RDH11: variants seen among roughly 807,000 people sequenced by gnomAD.
RDH11 encodes the protein HCV core-binding protein HCBP12.
In RDH11, 19 loss-of-function variants were observed where a neutral mutation model predicts 33.4. That is an observed-to-expected ratio of 0.57 (90% confidence interval 0.40 to 0.83). RDH11 has a LOEUF of 0.83. Ranked by LOEUF, RDH11 falls within the 40% of genes least tolerant of loss-of-function variation. The pLI, the probability that RDH11 is intolerant of heterozygous loss-of-function variation, is 0.00. For missense variants in RDH11, 353 were observed against 389.0 expected, an observed-to-expected ratio of 0.91 and a Z score of 0.78; for synonymous variants, 154 against 155.3, an observed-to-expected ratio of 0.99 and a Z score of 0.06.
chr14:67,687,055 G>A (rs188615004), intron 5 of RDH11, among the ~76,000 whole-genome samples: 9 of 152,222 alleles, frequency 5.9e-5, no homozygotes, highest in African/African-American at 2.2e-4. Flanking sequence ...TGCCCAATCA[G>A]GCAAAAGGGT....
intron 3 of RDH11, chr14:67,692,071 T>G (rs1301419531): frequency 5.7e-6 from 1 of 175,986 alleles, no homozygotes; most frequent in African/African-American, 2.4e-5. Flanking sequence ...TTTGTGAATC[T>G]CAACTTTGTG....
chr14:67,690,929 C>T (rs972623985), intron 4 of RDH11: 1 of 562,208 alleles, frequency 1.8e-6, no homozygotes, highest in Non-Finnish European at 3.2e-6. Flanking sequence ...CCAAGGCAAA[C>T]CAAATCTAAA....
At position 67,680,090 on chromosome 14, in the gene RDH11, G is replaced by A. The variant is rs182688859; in HGVS notation, c.855-1667C>T. Among the ~76,000 whole-genome samples, 13 of 152,292 alleles carry A rather than the reference G, an allele frequency of 8.5e-5. No individual in the cohort carries two copies. The East Asian group carries it at 2.3e-3, about 27-fold the overall frequency. On this transcript the variant is annotated intron_variant, in intron 6 of 6. Transcript: ENST00000381346. Reference sequence around the variant, plus strand: ...TCTCCAGCCCTACTCCAGACATACTGAATGAGAATCTCTAGGGTTGTGGTC... The same window carrying A: ...TCTCCAGCCCTACTCCAGACATACTAAATGAGAATCTCTAGGGTTGTGGTC...
At chr14:67,689,230 A>G (rs981100581) in intron 5 of RDH11, among the ~76,000 whole-genome samples, 3 of 152,186 alleles carry the variant, frequency 2.0e-5, no homozygotes, top group Admixed American at 6.5e-5. Context: ...TTTCCTTCCC[A>G]TCTCACAGAT....
intron 6 of RDH11, chr14:67,684,389 G>A (rs2037650478): frequency 6.6e-6 from 1 of 152,162 alleles, no homozygotes; most frequent in Non-Finnish European, 1.5e-5. Context: ...GGTAGAGAAT[G>A]GGGATAGGGC....
Position 67,677,323 on chromosome 14 carries a change from CTGAA to C in RDH11, c.*994_*997del, listed in dbSNP as rs1216357783. 9.3e-6 allele frequency: 1 copy of C among 107,546 alleles called. No individual in the cohort carries two copies. Among genetic ancestry groups the C allele is most frequent in the Non-Finnish European group, 1.9e-5 (1 of 52,968 alleles). 6.7% of individuals were successfully genotyped at this position (107,546 alleles called of 1,614,324 possible). On this transcript the variant is annotated 3_prime_UTR_variant, in exon 7 of 7. Coordinates refer to ENST00000381346, the MANE Select transcript of RDH11 (RefSeq NM_016026.4). ...AATATCAGTCCCTAAGATAATTTTT[CTGAA>C]TGAAGAATTGTTTTTTTTGTTTGTT...
chr14:67,693,755 C>G (rs1566831196), intron 1 of RDH11, among the ~76,000 whole-genome samples: 1 of 151,516 alleles, frequency 6.6e-6, no homozygotes, highest in African/African-American at 2.4e-5. Flanking sequence ...CAACCCCCAT[C>G]TCCCAGGTTC....
chr14:67,690,735 G>A, intron 4 of RDH11: 1 of 399,394 alleles, frequency 2.5e-6, no homozygotes, highest in Non-Finnish European at 4.6e-6. Context: ...GGTAATCTCA[G>A]CACTTAAAGA....
chr14:67,691,845 T>C (rs895893354), intron 3 of RDH11: 1 of 153,742 alleles, frequency 6.5e-6, no homozygotes, highest in Non-Finnish European at 1.4e-5. Context: ...TAATTTTCCA[T>C]AGAGTATTAC....
intron 1 of RDH11, among the ~76,000 whole-genome samples, chr14:67,694,727 G>C (rs999255923): frequency 1.3e-5 from 2 of 151,972 alleles, no homozygotes; most frequent in African/African-American, 4.8e-5. Flanking sequence ...CTGGAAGAGG[G>C]GCACCAGAGA....
intron 1 of RDH11, 83 bp downstream of exon 1, chr14:67,695,547 A>G: frequency 2.1e-6 from 3 of 1,418,352 alleles, no homozygotes; most frequent in Non-Finnish European, 2.9e-6. Context: ...GGAGTTTTCC[A>G]AGAAAGCTTT....
intron 4 of RDH11, 68 bp downstream of exon 4, chr14:67,691,072 C>A: frequency 1.0e-6 from 1 of 1,001,612 alleles, no homozygotes; most frequent in Non-Finnish European, 1.6e-6. Context: ...AAGCCTCAAT[C>A]TGACCCCTAA....
At chr14:67,681,365 GACTAAT>G (rs1165497250) in intron 6 of RDH11, among the ~76,000 whole-genome samples, 10 of 152,344 alleles carry the variant, frequency 6.6e-5, no homozygotes, top group African/African-American at 2.4e-4. Flanking sequence ...AGCCTTAACA[GACTAAT>G]ACAGATACCA....
rs143726417 is a variant in RDH11 at position 67,694,477 on chromosome 14, T to TATATAC, written c.74+1152_74+1153insGTATAT. On this transcript the variant is annotated intron_variant, in intron 1 of 6. Transcript: ENST00000381346. Reference sequence around the variant, plus strand: ...ACACACACACACACATATATATATATACACACACACACATATATATATATA... The same window carrying TATATAC: ...ACACACACACACACATATATATATATATATACACACACACACACATATATATATATA... Among the ~76,000 whole-genome samples, 3 of 142,900 alleles carry TATATAC rather than the reference T, an allele frequency of 2.1e-5. No homozygotes were observed. In the South Asian group the frequency reaches 6.4e-4, roughly 31 times the overall value. 93.7% of individuals were successfully genotyped at this position (142,900 alleles called of 152,430 possible). A position where few individuals can be genotyped will look rare whatever the true frequency, so the allele number is the denominator to read the frequency against.
chr14:67,679,053 C>T (rs1430954052), intron 6 of RDH11, among the ~76,000 whole-genome samples: 1 of 152,066 alleles, frequency 6.6e-6, no homozygotes, highest in Non-Finnish European at 1.5e-5. Flanking sequence ...CAGAAACTGG[C>T]TTATGATTAT....
chr14:67,679,082 G>T (rs1201208345), intron 6 of RDH11, among the ~76,000 whole-genome samples: 1 of 152,204 alleles, frequency 6.6e-6, no homozygotes, highest in East Asian at 1.9e-4. Context: ...AGAAGTCCAA[G>T]ATCAAGGGGC....
intron 5 of RDH11, among the ~76,000 whole-genome samples, chr14:67,686,441 C>A (rs921461271): frequency 1.3e-5 from 2 of 151,952 alleles, no homozygotes; most frequent in Non-Finnish European, 2.9e-5. Flanking sequence ...GAGTTATAGA[C>A]CAGCCTGGGC....
At chr14:67,695,454 G>A (rs1430699730) in intron 1 of RDH11, among the ~76,000 whole-genome samples, 176 bp downstream of exon 1, 1 of 152,230 alleles carries the variant, frequency 6.6e-6, no homozygotes, top group African/African-American at 2.4e-5. Context: ...GGGGTCTCGG[G>A]TGTCCTCCTG....
intron 6 of RDH11, among the ~76,000 whole-genome samples, chr14:67,681,195 G>A (rs574510512): frequency 6.6e-6 from 1 of 152,332 alleles, no homozygotes; most frequent in East Asian, 1.9e-4. Flanking sequence ...AAGGCCATGC[G>A]AGGGCTCAGA....
Sources: gnomAD v4.1 joint callset for allele counts (sites outside exome capture counted in the v4.1 genomes callset) on GRCh38, gnomAD v4.1.1 for gene constraint, MANE v1.5 for transcripts, NCBI Gene and HGNC (gene_info 2026-07-23, HGNC 2026-07-21) for gene names.